The following CCDC144A variants were observed in gnomAD, a reference collection of about 807,000 sequenced individuals.
CCDC144A encodes the protein coiled-coil domain containing 144A.
CCDC144A carries 41 observed loss-of-function variants against 143.8 expected under a neutral mutation model. That is an observed-to-expected ratio of 0.29 (90% CI 0.22 to 0.37). The LOEUF (loss-of-function observed/expected upper bound fraction) is 0.37. Ranked by LOEUF, CCDC144A falls within the 10% of genes least tolerant of loss-of-function variation. The probability of loss-of-function intolerance (pLI) is 1.00; values close to 1 mark genes in which losing one functional copy is unlikely to be tolerated. For missense variants in CCDC144A, 637 were observed against 1,488.8 expected (o/e 0.43, Z 9.41); for synonymous variants, 242 against 517.9 (o/e 0.47, Z 7.23).
At chr17:16,691,052 T>C (rs1004107277) in intron 1 of CCDC144A, among the ~76,000 whole-genome samples, 3 of 152,202 alleles carry the variant, frequency 2.0e-5, no homozygotes, top group Non-Finnish European at 4.4e-5. Flanking sequence ...CCTTCCATCC[T>C]TAAGAACTTC....
intron 12 of CCDC144A, among the ~76,000 whole-genome samples, chr17:16,742,387 A>T (rs1327957251): frequency 6.6e-6 from 1 of 152,112 alleles, no homozygotes; most frequent in East Asian, 1.9e-4. Context: ...ACATGATTTT[A>T]TTCTTTTTTT....
At chr17:16,704,127 T>C (rs1039203440) in intron 2 of CCDC144A, among the ~76,000 whole-genome samples, 1 of 152,148 alleles carries the variant, frequency 6.6e-6, no homozygotes, top group African/African-American at 2.4e-5. Context: ...CACTTATGTG[T>C]TTTTGGCTTT....
chr17:16,746,252 T>C, intron 12 of CCDC144A: 1 of 1,329,330 alleles, frequency 7.5e-7, no homozygotes. Context: ...TTTTCTTCTG[T>C]TTATCTGTCT....
At chr17:16,717,748 A>G (rs1912858568) in intron 6 of CCDC144A, among the ~76,000 whole-genome samples, 1 of 152,208 alleles carries the variant, frequency 6.6e-6, no homozygotes, top group South Asian at 2.1e-4. Flanking sequence ...TTTTTGAATT[A>G]ATGAATTGAG....
At chr17:16,723,432 G>A (rs984303435) in intron 8 of CCDC144A, among the ~76,000 whole-genome samples, 15 of 151,896 alleles carry the variant, frequency 9.9e-5, no homozygotes, top group Non-Finnish European at 1.8e-4. Context: ...TCCTCATAGT[G>A]TGTGGTTTTA....
chr17:16,719,788 T>G (rs1021714413), intron 6 of CCDC144A, among the ~76,000 whole-genome samples: 7 of 152,000 alleles, frequency 4.6e-5, no homozygotes, highest in Non-Finnish European at 1.0e-4. Context: ...TATATAAGAA[T>G]GTGAGTAATA....
At chr17:16,720,001 C>A (rs1265667009) in intron 6 of CCDC144A, among the ~76,000 whole-genome samples, 197 bp from the exon 7 acceptor site, 4 of 151,912 alleles carry the variant, frequency 2.6e-5, no homozygotes, top group African/African-American at 9.7e-5. Flanking sequence ...CTTAATGTTG[C>A]TGTTTCTGTT....
At chr17:16,771,810 T>G (rs1270811780) in intron 15 of CCDC144A, among the ~76,000 whole-genome samples, 167 bp from the exon 16 acceptor site, 2 of 152,276 alleles carry the variant, frequency 1.3e-5, no homozygotes, top group Non-Finnish European at 2.9e-5. Context: ...CTCCATTATC[T>G]AAACTTAAAA....
intron 2 of CCDC144A, among the ~76,000 whole-genome samples, chr17:16,699,972 T>C (rs986745539): frequency 2.0e-5 from 3 of 152,056 alleles, no homozygotes; most frequent in Admixed American, 6.5e-5. Flanking sequence ...TACCTTCTGA[T>C]TGTAGTCACA....
intron 6 of CCDC144A, among the ~76,000 whole-genome samples, chr17:16,717,729 T>G (rs1444305945): frequency 6.6e-6 from 1 of 152,252 alleles, no homozygotes; most frequent in East Asian, 1.9e-4. Flanking sequence ...TGATAATTCA[T>G]AACTGTGTTT....
intron 12 of CCDC144A, chr17:16,746,285 T>TTTGCA: frequency 5.6e-6 from 7 of 1,240,934 alleles, no homozygotes; most frequent in Admixed American, 2.9e-5. Flanking sequence ...TTTTTTTTTT[T>TTTGCA]TGCATCTTTC....
intron 12 of CCDC144A, among the ~76,000 whole-genome samples, chr17:16,757,485 C>T (rs1915148358): frequency 6.6e-6 from 1 of 152,228 alleles, no homozygotes; most frequent in African/African-American, 2.4e-5. Flanking sequence ...TGGGTAAAGG[C>T]ACAGAGGCCT....
At chr17:16,717,259 T>G (rs1219060917) in intron 6 of CCDC144A, among the ~76,000 whole-genome samples, 1 of 151,552 alleles carries the variant, frequency 6.6e-6, no homozygotes, top group African/African-American at 2.4e-5. Context: ...GGACTACAGG[T>G]GCGCCACCAT....
chr17:16,667,329 A>AGGCTGAGGC, the CCDC144A span, among the ~76,000 whole-genome samples: 63 of 107,962 alleles, frequency 5.8e-4, 1 homozygote, highest in Admixed American at 5.0e-3. Flanking sequence ...GAGGCTGAGG[A>AGGCTGAGGC]GGCTGAGGCG....
At chr17:16,715,559 A>G (rs1211162006) in intron 6 of CCDC144A, among the ~76,000 whole-genome samples, 3 of 152,120 alleles carry the variant, frequency 2.0e-5, no homozygotes, top group African/African-American at 4.8e-5. Context: ...TTCATTGGTA[A>G]TTTATAAAGA....
At chr17:16,675,255 C>T in the CCDC144A span, among the ~76,000 whole-genome samples, 1 of 128,882 alleles carries the variant, frequency 7.8e-6, no homozygotes, top group Non-Finnish European at 1.6e-5. Context: ...GGCGACAGAG[C>T]AAGACTCCAT....
At chr17:16,711,311 A>G (rs1355532394) in intron 5 of CCDC144A, among the ~76,000 whole-genome samples, 3 of 151,976 alleles carry the variant, frequency 2.0e-5, no homozygotes, top group African/African-American at 7.3e-5. Context: ...TTGTGTCTTT[A>G]TCTTCTTATT....
Position 16,766,733 on chromosome 17 carries a change from C to G in CCDC144A, c.4098+2558C>G, listed in dbSNP as rs142504387. On this transcript the variant is annotated intron_variant, in intron 15 of 16. Coordinates refer to ENST00000399273, the MANE Select transcript of CCDC144A (RefSeq NM_001382000.1). ...CCAACCTGGGCGACAGAGCAAGACTCCATCTCATGGGTGGGGGAAAAAAAA... is the reference window on the plus strand; with the variant it reads ...CCAACCTGGGCGACAGAGCAAGACTGCATCTCATGGGTGGGGGAAAAAAAA... Among the ~76,000 whole-genome samples, 993 of 152,050 alleles carry G rather than the reference C, an allele frequency of 6.5e-3. 14 individuals carry two copies. Among genetic ancestry groups the G allele is most frequent in the African/African-American group, 0.022 (923 of 41,412 alleles).
the CCDC144A span, among the ~76,000 whole-genome samples, chr17:16,682,017 G>T: frequency 6.6e-6 from 1 of 152,016 alleles, no homozygotes; most frequent in African/African-American, 2.4e-5. Context: ...CCTGAAATAA[G>T]AATTTATAAT....
Sources: allele counts gnomAD v4.1 joint callset (sites outside exome capture counted in the v4.1 genomes callset), GRCh38; gene constraint gnomAD v4.1.1; transcripts MANE v1.5; gene names NCBI Gene and HGNC (gene_info 2026-07-23, HGNC 2026-07-21).